Variants in LHFPL3 observed in about 807,000 individuals in gnomAD.
LHFPL3 encodes LHFPL tetraspan subfamily member 3, also known as LHFPL tetraspan subfamily member 3 protein.
Under a neutral mutation model 19.3 loss-of-function variants are expected in LHFPL3, and 5 were observed. The observed-to-expected ratio is 0.26, with a 90% CI of 0.14 to 0.54. The LOEUF is 0.54. LHFPL3 is among the 20% of genes least tolerant of loss of function. LHFPL3 has a pLI of 0.94. For synonymous variants in LHFPL3, 133 were observed against 126.2 expected (o/e 1.05, Z -0.36); for missense variants, 249 against 307.4 (o/e 0.81, Z 1.42).
rs147916795 is a variant in LHFPL3 at position 104,667,711 on chromosome 7, C to T, written c.446-68964C>T. ...ATGCAATTTACAACTTAGAGGAGTA[C>T]TTAAAGAAATACAAGGAAAAGCTTT... On this transcript the variant is annotated intron_variant, in intron 1 of 2. Transcript: ENST00000424859. 35 of 1,429,324 alleles carry T rather than the reference C, an allele frequency of 2.4e-5. No individual in the cohort carries two copies. In the African/African-American group the frequency reaches 4.5e-4, roughly 19 times the overall value. 88.5% of individuals were successfully genotyped at this position (1,429,324 alleles called of 1,614,324 possible).
chr7:104,861,629 G>C (rs1791620817), intron 2 of LHFPL3, among the ~76,000 whole-genome samples: 1 of 152,012 alleles, frequency 6.6e-6, no homozygotes, highest in South Asian at 2.1e-4. Flanking sequence ...TGGCAGAAGT[G>C]GTGGCCTTCT....
At chr7:104,674,392 C>T (rs1306881235) in intron 1 of LHFPL3, among the ~76,000 whole-genome samples, 8 of 124,006 alleles carry the variant, frequency 6.5e-5, no homozygotes, top group Admixed American at 3.4e-4. Flanking sequence ...TTTTTTTTGA[C>T]GGATTTTCGC....
intron 1 of LHFPL3, among the ~76,000 whole-genome samples, chr7:104,711,858 G>T (rs548190508): frequency 6.6e-6 from 1 of 152,126 alleles, no homozygotes; most frequent in Admixed American, 6.5e-5. Flanking sequence ...TCTCATGCCC[G>T]TCAATTTGGG....
chr7:104,633,518 G>C (rs977624608), intron 1 of LHFPL3, among the ~76,000 whole-genome samples: 4 of 152,126 alleles, frequency 2.6e-5, no homozygotes, highest in African/African-American at 7.2e-5. Context: ...GAATGTTACA[G>C]CCATAATGAG....
Position 104,489,158 on chromosome 7 carries a change from T to C in LHFPL3, c.445+159934T>C, listed in dbSNP as rs1167409473. 3.2e-4 allele frequency among the ~76,000 whole-genome samples: 12 copies of C among 37,174 alleles called. 3 individuals carry two copies. Among genetic ancestry groups the C allele is most frequent in the African/African-American group, 6.6e-4 (10 of 15,216 alleles). 24.4% of individuals were successfully genotyped at this position (37,174 alleles called of 152,430 possible). ...AGTGCAGTGGCGGGATCTCGGCTCA[T>C]TGCAAGCTCCACCTCCCGGGTTCAC... On this transcript the variant is annotated intron_variant, in intron 1 of 2. Coordinates refer to ENST00000424859, the MANE Select transcript of LHFPL3 (RefSeq NM_199000.3).
intron 1 of LHFPL3, among the ~76,000 whole-genome samples, chr7:104,566,246 G>T (rs1790121788): frequency 6.6e-6 from 1 of 152,138 alleles, no homozygotes; most frequent in South Asian, 2.1e-4. Context: ...AGCTACTCAG[G>T]AGGCTGAGGT....
chr7:104,653,196 G>C (rs1358440940), intron 1 of LHFPL3, among the ~76,000 whole-genome samples: 3 of 152,224 alleles, frequency 2.0e-5, no homozygotes, highest in African/African-American at 7.2e-5. Flanking sequence ...TTTGTGCTGA[G>C]AGTCTGCAGT....
At chr7:104,779,068 T>A (rs1020978588) in intron 2 of LHFPL3, among the ~76,000 whole-genome samples, 2 of 152,226 alleles carry the variant, frequency 1.3e-5, no homozygotes, top group Non-Finnish European at 2.9e-5. Flanking sequence ...TAATCACAGG[T>A]GGCTTCATGA....
At chr7:104,728,298 T>G (rs893534471) in intron 1 of LHFPL3, among the ~76,000 whole-genome samples, 8 of 152,118 alleles carry the variant, frequency 5.3e-5, no homozygotes, top group African/African-American at 1.9e-4. Flanking sequence ...GCAAGAGTTA[T>G]ATAGCAACCC....
At chr7:104,422,845 T>C (rs1240800017) in intron 1 of LHFPL3, among the ~76,000 whole-genome samples, 2 of 152,196 alleles carry the variant, frequency 1.3e-5, no homozygotes, top group Admixed American at 6.5e-5. Context: ...ATATTGGGAA[T>C]TCAGAGATGA....
chr7:104,404,791 A>G (rs554873252), intron 1 of LHFPL3, among the ~76,000 whole-genome samples: 1 of 152,308 alleles, frequency 6.6e-6, no homozygotes, highest in Non-Finnish European at 1.5e-5. Context: ...ACTTAGCTAA[A>G]TATTTATTGA....
intron 1 of LHFPL3, among the ~76,000 whole-genome samples, chr7:104,733,107 G>A (rs970739040): frequency 6.6e-6 from 1 of 152,134 alleles, no homozygotes; most frequent in Non-Finnish European, 1.5e-5. Flanking sequence ...TATAATTTCT[G>A]TTCTTTTACA....
chr7:104,403,671 C>G (rs1392384923), intron 1 of LHFPL3, among the ~76,000 whole-genome samples: 2 of 152,012 alleles, frequency 1.3e-5, no homozygotes, highest in Non-Finnish European at 1.5e-5. Flanking sequence ...AAAGAACTTC[C>G]AGGATCTGGC....
chr7:104,442,977 T>C (rs758571234), intron 1 of LHFPL3, among the ~76,000 whole-genome samples: 5 of 152,228 alleles, frequency 3.3e-5, no homozygotes, highest in African/African-American at 4.8e-5. Context: ...ATGATAATCA[T>C]TAGTGATCTA....
intron 1 of LHFPL3, among the ~76,000 whole-genome samples, chr7:104,502,834 C>A (rs1276356703): frequency 6.6e-6 from 1 of 152,088 alleles, no homozygotes; most frequent in Non-Finnish European, 1.5e-5. Context: ...TACTAACTTA[C>A]AGGATGGTTC....
chr7:104,887,720 C>T (rs151286078), intron 2 of LHFPL3, among the ~76,000 whole-genome samples: 11 of 152,354 alleles, frequency 7.2e-5, no homozygotes, highest in Non-Finnish European at 1.3e-4. Context: ...ACTACAAGTA[C>T]TGGCTTCTGC....
chr7:104,564,153 A>G (rs957117768), intron 1 of LHFPL3, among the ~76,000 whole-genome samples: 11 of 152,306 alleles, frequency 7.2e-5, no homozygotes, highest in African/African-American at 2.6e-4. Flanking sequence ...TAGGTCACAC[A>G]CCTGACAGAA....
intron 1 of LHFPL3, among the ~76,000 whole-genome samples, chr7:104,526,264 A>C (rs1794187261): frequency 1.3e-5 from 2 of 152,226 alleles, no homozygotes; most frequent in Non-Finnish European, 2.9e-5. Context: ...TTGGTTTTCC[A>C]AAAGAAAGAG....
At chr7:104,661,044 A>T (rs1387023651) in intron 1 of LHFPL3, among the ~76,000 whole-genome samples, 1 of 152,074 alleles carries the variant, frequency 6.6e-6, no homozygotes, top group Non-Finnish European at 1.5e-5. Flanking sequence ...TAACCTTCTT[A>T]ATGGGAGGGA....
Sources: allele counts gnomAD v4.1 joint callset (sites outside exome capture counted in the v4.1 genomes callset), GRCh38; gene constraint gnomAD v4.1.1; transcripts MANE v1.5; gene names NCBI Gene and HGNC (gene_info 2026-07-23, HGNC 2026-07-21).